The following EXOC6B variants were observed in gnomAD, a reference collection of about 807,000 sequenced individuals.
EXOC6B encodes exocyst complex component 6B.
Under a neutral mutation model 113.5 loss-of-function variants are expected in EXOC6B, and 54 were observed. That is an observed-to-expected ratio of 0.48 (90% CI 0.38 to 0.60). The LOEUF (loss-of-function observed/expected upper bound fraction) is 0.60, where lower values mean the gene tolerates loss of function less well. EXOC6B is among the 20% of genes least tolerant of loss of function. EXOC6B has a pLI of 0.00. For synonymous variants in EXOC6B, 357 were observed against 339.0 expected, an observed-to-expected ratio of 1.05 and a Z score of -0.58; for missense variants, 797 against 977.5, an observed-to-expected ratio of 0.82 and a Z score of 2.46.
chr2:72,648,320 A>C (rs770444866), intron 6 of EXOC6B, among the ~76,000 whole-genome samples: 1 of 152,248 alleles, frequency 6.6e-6, no homozygotes, highest in Non-Finnish European at 1.5e-5. Flanking sequence ...GAACGCTTTT[A>C]CACCGTTGGT....
At chr2:72,820,968 A>G (rs553416542) in intron 1 of EXOC6B, among the ~76,000 whole-genome samples, 35 of 152,268 alleles carry the variant, frequency 2.3e-4, no homozygotes, top group Non-Finnish European at 3.7e-4. Context: ...ATGAAACAAA[A>G]TAAGAAAAAA....
intron 18 of EXOC6B, among the ~76,000 whole-genome samples, chr2:72,417,130 A>C (rs928137619): frequency 3.3e-5 from 5 of 152,226 alleles, no homozygotes; most frequent in African/African-American, 1.2e-4. Flanking sequence ...ATAATAAAAT[A>C]ACATACAACT....
intron 1 of EXOC6B, among the ~76,000 whole-genome samples, chr2:72,813,958 G>A (rs1313679523): frequency 1.3e-5 from 2 of 151,926 alleles, no homozygotes; most frequent in East Asian, 1.9e-4. Flanking sequence ...AATTTGCAAA[G>A]GGAAAAAAAA....
intron 1 of EXOC6B, among the ~76,000 whole-genome samples, chr2:72,761,576 T>C (rs1682744889): frequency 6.6e-6 from 1 of 152,184 alleles, no homozygotes; most frequent in Admixed American, 6.5e-5. Flanking sequence ...AAGGGCAAGA[T>C]AAATTTGACT....
intron 1 of EXOC6B, among the ~76,000 whole-genome samples, chr2:72,795,726 C>G (rs116449048): frequency 0.022 from 3,411 of 152,248 alleles, 40 homozygotes; most frequent in Non-Finnish European, 0.032. Flanking sequence ...AAAGGAAAAT[C>G]AAGGTTACAG....
At chr2:72,491,115 AG>A (rs1699718266) in intron 16 of EXOC6B, among the ~76,000 whole-genome samples, 1 of 152,168 alleles carries the variant, frequency 6.6e-6, no homozygotes, top group African/African-American at 2.4e-5. Flanking sequence ...ATTATAAAGG[AG>A]GTTAGCTATT....
At chr2:72,289,025 C>A in intron 20 of EXOC6B, 1 of 274,378 alleles carries the variant, frequency 3.6e-6, no homozygotes, top group Non-Finnish European at 7.0e-6. Context: ...AGTTTAGTTT[C>A]ATTGTATTGA....
At chr2:72,423,759 A>G (rs1332890346) in intron 18 of EXOC6B, among the ~76,000 whole-genome samples, 1 of 152,136 alleles carries the variant, frequency 6.6e-6, no homozygotes, top group African/African-American at 2.4e-5. Context: ...GTGCACACAT[A>G]CATACACACA....
chr2:72,223,321 C>T (rs1680991241), intron 20 of EXOC6B, among the ~76,000 whole-genome samples: 1 of 152,150 alleles, frequency 6.6e-6, no homozygotes, highest in Non-Finnish European at 1.5e-5. Flanking sequence ...GAGTAAACCA[C>T]CAAGTTATGA....
At chr2:72,391,708 A>G (rs1258539696) in intron 18 of EXOC6B, among the ~76,000 whole-genome samples, 1 of 151,854 alleles carries the variant, frequency 6.6e-6, no homozygotes, top group Non-Finnish European at 1.5e-5. Context: ...ACTGTGTTCC[A>G]CCTATCTCAT....
chr2:72,533,194 A>C (rs1702106014), intron 8 of EXOC6B, among the ~76,000 whole-genome samples: 2 of 152,180 alleles, frequency 1.3e-5, no homozygotes, highest in African/African-American at 4.8e-5. Context: ...AATTCAGTGA[A>C]GGATGATCTA....
At chr2:72,235,329 T>C (rs1303846584) in intron 20 of EXOC6B, among the ~76,000 whole-genome samples, 1 of 152,156 alleles carries the variant, frequency 6.6e-6, no homozygotes, top group Non-Finnish European at 1.5e-5. Flanking sequence ...TTTTCACTTA[T>C]TTAGCTCACT....
chr2:72,205,164 G>C (rs910491254), intron 20 of EXOC6B, among the ~76,000 whole-genome samples: 1 of 152,132 alleles, frequency 6.6e-6, no homozygotes, highest in Non-Finnish European at 1.5e-5. Context: ...GGGAAAGAAG[G>C]CTGCAAGACA....
intron 18 of EXOC6B, among the ~76,000 whole-genome samples, chr2:72,393,662 A>G (rs901579894): frequency 9.2e-5 from 14 of 152,340 alleles, no homozygotes; most frequent in Admixed American, 9.1e-4. Context: ...AGATATTTAA[A>G]GAATTTCTTT....
At chr2:72,659,225 G>C (rs1454131758) in intron 6 of EXOC6B, among the ~76,000 whole-genome samples, 2 of 152,050 alleles carry the variant, frequency 1.3e-5, no homozygotes, top group Non-Finnish European at 2.9e-5. Context: ...CCCATCTGAA[G>C]AAGATAAAGT....
chr2:72,548,500 A>G (rs1703028129), intron 8 of EXOC6B, among the ~76,000 whole-genome samples: 1 of 152,226 alleles, frequency 6.6e-6, no homozygotes, highest in South Asian at 2.1e-4. Context: ...ACAAAATATT[A>G]GAACTTTTTG....
At chr2:72,523,300 T>A (rs1489355341) in intron 8 of EXOC6B, among the ~76,000 whole-genome samples, 2 of 152,160 alleles carry the variant, frequency 1.3e-5, no homozygotes, top group African/African-American at 2.4e-5. Flanking sequence ...AATGTGACAA[T>A]GTTCATCATA....
intron 18 of EXOC6B, among the ~76,000 whole-genome samples, chr2:72,408,905 G>A (rs1046370708): frequency 6.6e-6 from 1 of 151,962 alleles, no homozygotes; most frequent in South Asian, 2.1e-4. Context: ...ACAGCAAAAG[G>A]AACTAACATC....
chr2:72,687,420 T>C (rs989505849), intron 6 of EXOC6B, among the ~76,000 whole-genome samples: 8 of 152,134 alleles, frequency 5.3e-5, no homozygotes, highest in African/African-American at 1.9e-4. Flanking sequence ...ATCAAACACA[T>C]GCACTAAGCT....
Sources: gnomAD v4.1 joint callset for allele counts (sites outside exome capture counted in the v4.1 genomes callset) on GRCh38, gnomAD v4.1.1 for gene constraint, MANE v1.5 for transcripts, NCBI Gene and HGNC (gene_info 2026-07-23, HGNC 2026-07-21) for gene names.